NHSL2: variants seen among roughly 807,000 people sequenced by gnomAD.
NHSL2 encodes the protein NHS-like protein 2.
NHSL2 carries 27 observed loss-of-function variants against 53.4 expected under a neutral mutation model. The observed-to-expected ratio is 0.51, with a 90% CI of 0.37 to 0.70. The LOEUF (loss-of-function observed/expected upper bound fraction) is 0.70, where lower values mean the gene tolerates loss of function less well. Ranked by LOEUF, NHSL2 falls within the 30% of genes least tolerant of loss-of-function variation. The pLI, the probability that NHSL2 is intolerant of heterozygous loss-of-function variation, is 0.00. For missense variants in NHSL2, 892 were observed against 980.1 expected (o/e 0.91, Z 1.20); for synonymous variants, 408 against 404.1 (o/e 1.01, Z -0.12).
intron 1 of NHSL2, among the ~76,000 whole-genome samples, chrX:71,964,212 C>G (rs1180135927): frequency 9.8e-6 from 1 of 102,269 alleles, no homozygotes; most frequent in African/African-American, 3.6e-5. Flanking sequence ...TATCCCTCCC[C>G]TAGCCCCCCA....
At chrX:72,050,911 A>AAAACC (rs1044110722) in intron 1 of NHSL2, among the ~76,000 whole-genome samples, 3 of 110,109 alleles carry the variant, frequency 2.7e-5, no homozygotes, top group African/African-American at 9.9e-5. Context: ...AAACAAAACA[A>AAAACC]AAACCAAACC....
rs1319835087 is a variant in NHSL2 at position 72,152,651 on chromosome X, C to G, written c.*9077C>G. 8.9e-6 allele frequency: 1 copy of G among 112,389 alleles called. No individual in the cohort carries two copies. The highest frequency in any genetic ancestry group is 1.9e-5 in the Non-Finnish European group (1 of 53,258). 9.3% of individuals were successfully genotyped at this position (112,389 alleles called of 1,213,427 possible). ...TTAGAATCTTTAGCTTGATTTCTGTCATTTGAGCCCAGGGATCTACCCACT... is the reference window on the plus strand; with the variant it reads ...TTAGAATCTTTAGCTTGATTTCTGTGATTTGAGCCCAGGGATCTACCCACT... On this transcript the variant is annotated 3_prime_UTR_variant, in exon 8 of 8. Coordinates refer to ENST00000633930, the MANE Select transcript of NHSL2 (RefSeq NM_001013627.3).
intron 1 of NHSL2, among the ~76,000 whole-genome samples, chrX:72,110,681 G>A (rs1188655007): frequency 2.0e-5 from 2 of 97,908 alleles, no homozygotes; most frequent in African/African-American, 4.0e-5. Context: ...TGGACAGGAC[G>A]CTGAACGGCT....
rs1241761970 is a variant in NHSL2 at position 72,077,427 on chromosome X, C to T, written c.281-54652C>T. Among the ~76,000 whole-genome samples, 8 of 110,950 alleles carry T rather than the reference C, an allele frequency of 7.2e-5. No individual in the cohort carries two copies. The East Asian group carries it at 1.7e-3, about 24-fold the overall frequency. ...ATGATGCTCAGAGCCAGAGGTCACA[C>T]TGCTGGTTCTGAGGATGAAGATGGC... On this transcript the variant is annotated intron_variant, in intron 1 of 7. Transcript: ENST00000633930.
chrX:72,147,387 T>G lies in NHSL2; in HGVS notation c.*3813T>G, dbSNP rs2042472500. The G allele has an allele frequency of 8.9e-6, 1 of 112,230 alleles. No homozygotes were observed. The highest frequency in any genetic ancestry group is 9.4e-5 in the Admixed American group (1 of 10,611). The allele number at this position is 112,230 out of a possible 1,213,427, so 9.2% of individuals were successfully genotyped here. A position where few individuals can be genotyped will look rare whatever the true frequency, so the allele number is the denominator to read the frequency against. On this transcript the variant is annotated 3_prime_UTR_variant, in exon 8 of 8. Coordinates refer to ENST00000633930, the MANE Select transcript of NHSL2 (RefSeq NM_001013627.3). ...TCCCAGCCCTGTGATTTGCACTCTT[T>G]AAAGTAATATCAGTTTATCTTCTTC...
chrX:72,076,097 C>G, intron 1 of NHSL2, among the ~76,000 whole-genome samples: 2 of 110,813 alleles, frequency 1.8e-5, no homozygotes, highest in Middle Eastern at 9.3e-3. Context: ...CCACGCCCAG[C>G]TAATTTTGTA....
chrX:72,098,335 CT>C (rs1399861185), intron 1 of NHSL2, among the ~76,000 whole-genome samples: 1 of 111,904 alleles, frequency 8.9e-6, no homozygotes, highest in Non-Finnish European at 1.9e-5. Flanking sequence ...AATCCCAGCA[CT>C]TTGGGAAGCC....
intron 1 of NHSL2, among the ~76,000 whole-genome samples, chrX:72,090,456 A>G (rs1232342596): frequency 8.9e-6 from 1 of 112,119 alleles, no homozygotes; most frequent in East Asian, 2.8e-4. Context: ...TTTCTATGGC[A>G]GAATATATCT....
chrX:72,104,800 G>A (rs1193385491), intron 1 of NHSL2, among the ~76,000 whole-genome samples: 1 of 111,566 alleles, frequency 9.0e-6, no homozygotes, highest in Non-Finnish European at 1.9e-5. Context: ...GGAAAGAGTT[G>A]AGGATCATCC....
chrX:72,131,571 T>G (rs747811621), intron 1 of NHSL2: 1 of 1,138,246 alleles, frequency 8.8e-7, no homozygotes, highest in Non-Finnish European at 1.2e-6. Flanking sequence ...TGGGGCTCCG[T>G]GGTGGGGAAA....
intron 1 of NHSL2, among the ~76,000 whole-genome samples, chrX:72,041,247 A>G (rs1226789928): frequency 8.9e-6 from 1 of 111,964 alleles, no homozygotes; most frequent in Non-Finnish European, 1.9e-5. Flanking sequence ...GGAAGTTAAC[A>G]TAAGTGAGTG....
intron 1 of NHSL2, among the ~76,000 whole-genome samples, chrX:72,119,516 A>T (rs1182335382): frequency 4.5e-5 from 5 of 112,335 alleles, no homozygotes. Flanking sequence ...TCTTTTGATG[A>T]TATTGTAAAT....
At chrX:71,989,584 T>G (rs1024840666) in intron 1 of NHSL2, among the ~76,000 whole-genome samples, 16 of 111,418 alleles carry the variant, frequency 1.4e-4, no homozygotes, top group Middle Eastern at 4.6e-3. Context: ...CCCTACTATT[T>G]TTTCCAGAGC....
chrX:72,145,242 GCCACCTTTTAGCTCAACTGC>G lies in NHSL2; in HGVS notation c.*1673_*1692del, dbSNP rs1320894961. ...GATAGGTCGTATTGCCCAATGAGAA[GCCACCTTTTAGCTCAACTGC>G]CCACACTCCAGCTGGACAGAGCAGC... On this transcript the variant is annotated 3_prime_UTR_variant, in exon 8 of 8. Coordinates refer to ENST00000633930, the MANE Select transcript of NHSL2 (RefSeq NM_001013627.3). 1.8e-5 allele frequency: 2 copies of G among 111,683 alleles called. No homozygotes were observed. The highest frequency in any genetic ancestry group is 6.5e-5 in the African/African-American group (2 of 30,661). The allele number at this position is 111,683 out of a possible 1,213,427, so 9.2% of individuals were successfully genotyped here.
chrX:72,134,728 T>C (rs2042341219), intron 4 of NHSL2, 24 bp downstream of exon 4: 1 of 1,093,436 alleles, frequency 9.1e-7, no homozygotes, highest in Non-Finnish European at 1.2e-6. Flanking sequence ...GCACCGCCTT[T>C]GTCTTCTTCC....
chrX:72,093,188 G>A (rs1407184093), intron 1 of NHSL2, among the ~76,000 whole-genome samples: 2 of 112,486 alleles, frequency 1.8e-5, no homozygotes, highest in African/African-American at 3.2e-5. Flanking sequence ...AAAGGAAAAA[G>A]CCTTTTATTT....
At chrX:72,005,503 TC>T (rs932942250) in intron 1 of NHSL2, among the ~76,000 whole-genome samples, 1 of 111,869 alleles carries the variant, frequency 8.9e-6, no homozygotes, top group Non-Finnish European at 1.9e-5. Flanking sequence ...GGCCAGTAGT[TC>T]CCCGGAGTCA....
rs1310495177 is a variant in NHSL2 at position 71,911,066 on chromosome X, T to TGCGCCC, written c.-12_-7dup. On this transcript the variant is annotated 5_prime_UTR_variant, in exon 1 of 8. Transcript: ENST00000633930. The stretch of plus-strand genomic sequence containing the variant: ...CCGCCGCGCCGCCAGACTGGTCCCC[T>TGCGCCC]GCGCCCGCGCCCGCGGCCGGGATGC... The TGCGCCC allele has an allele frequency of 7.1e-6, 7 of 990,548 alleles. No individual in the cohort carries two copies. In the African/African-American group the frequency reaches 1.0e-4, roughly 14 times the overall value. The allele number at this position is 990,548 out of a possible 1,213,427, so 81.6% of individuals were successfully genotyped here.
intron 1 of NHSL2, among the ~76,000 whole-genome samples, chrX:71,974,510 C>G (rs769854462): frequency 1.8e-5 from 2 of 112,122 alleles, no homozygotes; most frequent in African/African-American, 6.5e-5. Flanking sequence ...AATCTCATCC[C>G]TGGGAACCCT....
Sources: gnomAD v4.1 joint callset for allele counts (sites outside exome capture counted in the v4.1 genomes callset) on GRCh38, gnomAD v4.1.1 for gene constraint, MANE v1.5 for transcripts, NCBI Gene and HGNC (gene_info 2026-07-23, HGNC 2026-07-21) for gene names.